The following CLIC5 variants were observed in gnomAD, a reference collection of about 807,000 sequenced individuals.
The protein encoded by CLIC5 is CLIC family member 5, also known as chloride intracellular channel protein 5.
A neutral mutation model predicts 24.7 loss-of-function variants in CLIC5; 20 were observed. That is an observed-to-expected ratio of 0.81 (90% CI 0.57 to 1.18). The LOEUF (loss-of-function observed/expected upper bound fraction) is 1.18. CLIC5 is among the 50% of genes most tolerant of loss of function. The pLI is 0.00. For synonymous variants in CLIC5, 159 were observed against 135.6 expected, an observed-to-expected ratio of 1.17 and a Z score of -1.20; for missense variants, 341 against 326.1, an observed-to-expected ratio of 1.05 and a Z score of -0.35.
chr6:46,080,166 TC>T lies in CLIC5; in HGVS notation c.76del (p.Glu26LysfsTer15). ...ATCATAATGGGGACTTTCATTTTCT[TC>T]TGGCTGGTCTGGAACCTCATACGTC... On this transcript the variant is annotated frameshift_variant, in exon 1 of 6. Coordinates refer to the CLIC5 transcript ENST00000185206. LOFTEE classifies it high-confidence loss of function. 6.4e-7 allele frequency: 1 copy of T among 1,551,704 alleles called. No homozygotes were observed. Among genetic ancestry groups the T allele is most frequent in the South Asian group, 1.2e-5 (1 of 84,066 alleles).
rs1554151272 is a variant in CLIC5 at position 45,958,437 on chromosome 6, T to TATATATACACACACACACAC, written c.64-3194_64-3193insGTGTGTGTGTGTGTATATAT. On this transcript the variant is annotated intron_variant, in intron 1 of 5. Transcript: ENST00000339561. ...AAAAAGACAATTATATATATATATA[T>TATATATACACACACACACAC]ATATATATATATATATATATATATA... 3.1e-3 allele frequency among the ~76,000 whole-genome samples: 24 copies of TATATATACACACACACACAC among 7,770 alleles called. 1 individual carries two copies. The highest frequency in any genetic ancestry group is 6.8e-3 in the African/African-American group (23 of 3,372). The allele number at this position is 7,770 out of a possible 152,430, so 5.1% of individuals were successfully genotyped here.
the CLIC5 span, among the ~76,000 whole-genome samples, chr6:46,123,819 A>C: frequency 6.6e-6 from 1 of 152,136 alleles, no homozygotes; most frequent in Admixed American, 6.5e-5. Flanking sequence ...TCATGAGTGA[A>C]CTCCCATTCA....
At chr6:45,908,229 G>C (rs1762715211) in intron 5 of CLIC5, among the ~76,000 whole-genome samples, 1 of 151,956 alleles carries the variant, frequency 6.6e-6, no homozygotes, top group South Asian at 2.1e-4. Context: ...CCAACTTTTG[G>C]TTTCATTGAT....
intron 1 of CLIC5, among the ~76,000 whole-genome samples, chr6:45,968,328 T>C (rs922192662): frequency 6.6e-6 from 1 of 152,200 alleles, no homozygotes; most frequent in Non-Finnish European, 1.5e-5. Flanking sequence ...CCTGGGGTAC[T>C]TTTATTTATC....
intron 4 of CLIC5, among the ~76,000 whole-genome samples, chr6:45,924,349 C>T (rs1320638203): frequency 6.6e-6 from 1 of 152,152 alleles, no homozygotes; most frequent in Non-Finnish European, 1.5e-5. Context: ...CAGAATTCCC[C>T]AGATATGCTA....
chr6:46,042,926 A>C (rs1452625701), intron 1 of CLIC5, among the ~76,000 whole-genome samples: 3 of 152,196 alleles, frequency 2.0e-5, no homozygotes, highest in African/African-American at 7.2e-5. Context: ...CACAATGTCC[A>C]CCAAGTGGGA....
the CLIC5 span, among the ~76,000 whole-genome samples, chr6:46,086,724 C>G: frequency 3.3e-5 from 5 of 152,212 alleles, no homozygotes; most frequent in Non-Finnish European, 4.4e-5. Flanking sequence ...AAAACCATTT[C>G]TAGTAGCTGG....
chr6:46,008,413 T>C (rs1766670322), intron 1 of CLIC5, among the ~76,000 whole-genome samples: 1 of 152,156 alleles, frequency 6.6e-6, no homozygotes, highest in African/African-American at 2.4e-5. Flanking sequence ...AAGACACCAT[T>C]TGGGCCACAC....
intron 1 of CLIC5, among the ~76,000 whole-genome samples, chr6:46,048,116 C>T (rs1768006473): frequency 6.6e-6 from 1 of 151,840 alleles, no homozygotes; most frequent in Non-Finnish European, 1.5e-5. Flanking sequence ...GATTCTCATG[C>T]CTCAGCCTCC....
chr6:45,972,756 G>A (rs1581808815), intron 1 of CLIC5, among the ~76,000 whole-genome samples: 1 of 152,200 alleles, frequency 6.6e-6, no homozygotes, highest in Non-Finnish European at 1.5e-5. Flanking sequence ...CAAGATAAAG[G>A]CCTCATACAG....
intron 4 of CLIC5, among the ~76,000 whole-genome samples, chr6:45,926,243 A>T (rs529651595): frequency 1.5e-3 from 213 of 141,628 alleles, no homozygotes; most frequent in Admixed American, 2.4e-3. Context: ...ATATATATAT[A>T]TTTTATTTTT....
the CLIC5 span, among the ~76,000 whole-genome samples, chr6:46,113,365 C>A: frequency 2.6e-5 from 4 of 152,042 alleles, no homozygotes. Context: ...GAGTAGGGTT[C>A]GGGAAGAAGG....
At chr6:46,053,193 C>T (rs1185953451) in intron 1 of CLIC5, among the ~76,000 whole-genome samples, 1 of 152,040 alleles carries the variant, frequency 6.6e-6, no homozygotes, top group South Asian at 2.1e-4. Flanking sequence ...AGGGCAGGGC[C>T]TGATACACAT....
chr6:46,060,835 T>G (rs1172484954), intron 1 of CLIC5, among the ~76,000 whole-genome samples: 2 of 152,218 alleles, frequency 1.3e-5, no homozygotes, highest in Non-Finnish European at 2.9e-5. Context: ...GAGCATTATA[T>G]GCTCTAGAAC....
At chr6:45,999,715 A>G (rs57300420) in intron 1 of CLIC5, among the ~76,000 whole-genome samples, 64 of 72,846 alleles carry the variant, frequency 8.8e-4, no homozygotes, top group South Asian at 3.3e-3. Context: ...TAGTAAATCT[A>G]TTTTCTCTTC....
Position 45,899,201 on chromosome 6 carries a change from A to T in CLIC5, c.*3887T>A, listed in dbSNP as rs1263193330. The T allele has an allele frequency of 6.6e-6, 1 of 152,200 alleles. No individual in the cohort carries two copies. The highest frequency in any genetic ancestry group is 6.5e-5 in the Admixed American group (1 of 15,284). The allele number at this position is 152,200 out of a possible 1,614,324, so 9.4% of individuals were successfully genotyped here. A position where few individuals can be genotyped will look rare whatever the true frequency, so the allele number is the denominator to read the frequency against. Reference sequence around the variant, plus strand: ...TGTGTGCAGCAGGTCCTGTTCGCTTAAGTTTTCCTAACATCAGAATCAGGG... The same window carrying T: ...TGTGTGCAGCAGGTCCTGTTCGCTTTAGTTTTCCTAACATCAGAATCAGGG... On this transcript the variant is annotated 3_prime_UTR_variant, in exon 6 of 6. Coordinates refer to ENST00000339561, the MANE Select transcript of CLIC5 (RefSeq NM_016929.5).
chr6:45,913,824 G>C (rs1762909263), intron 5 of CLIC5: 1 of 1,230,984 alleles, frequency 8.1e-7, no homozygotes, highest in African/African-American at 1.6e-5. Context: ...TGTGCACAAA[G>C]AAAAAATGCA....
At chr6:46,047,238 T>C (rs1186102794) in intron 1 of CLIC5, among the ~76,000 whole-genome samples, 1 of 152,162 alleles carries the variant, frequency 6.6e-6, no homozygotes. Context: ...TTGGGTTTAG[T>C]GAGATATATT....
chr6:46,126,712 A>G, the CLIC5 span, among the ~76,000 whole-genome samples: 1 of 152,226 alleles, frequency 6.6e-6, no homozygotes, highest in Non-Finnish European at 1.5e-5. Context: ...TGAACCTTAA[A>G]TACTCTCCTT....
Sources: gnomAD v4.1 joint callset for allele counts (sites outside exome capture counted in the v4.1 genomes callset) on GRCh38, gnomAD v4.1.1 for gene constraint, MANE v1.5 for transcripts, NCBI Gene and HGNC (gene_info 2026-07-23, HGNC 2026-07-21) for gene names.